Variants in NTN4 observed in about 807,000 individuals in gnomAD.
The protein encoded by NTN4 is netrin 4, also known as netrin-4.
NTN4 carries 32 observed loss-of-function variants against 73.6 expected under a neutral mutation model. The observed-to-expected ratio is 0.44, with a 90% confidence interval of 0.33 to 0.58. NTN4 has a LOEUF of 0.58. NTN4 is among the 20% of genes least tolerant of loss of function. The pLI is 0.04. For synonymous variants in NTN4, 258 were observed against 287.5 expected, an observed-to-expected ratio of 0.90 and a Z score of 1.04; for missense variants, 654 against 798.3, an observed-to-expected ratio of 0.82 and a Z score of 2.18.
chr12:95,767,163 A>C (rs1592712546), intron 2 of NTN4, among the ~76,000 whole-genome samples: 1 of 150,340 alleles, frequency 6.7e-6, no homozygotes, highest in East Asian at 2.0e-4. Flanking sequence ...TTTCTTCCCC[A>C]CCCCTCACCA....
chr12:95,787,553 G>A (rs1246562388), intron 1 of NTN4, 85 bp from the exon 2 acceptor site: 15 of 1,371,014 alleles, frequency 1.1e-5, no homozygotes, highest in Middle Eastern at 2.6e-4. Flanking sequence ...AACAGTCAAG[G>A]ATCTCCCCAA....
rs2078326918 is a variant in NTN4, at chr12:95,682,605, A to T, written c.1510+102T>A. ...ATACCATGAAACCCCAGAACTAAAG[A>T]GTTCCCCTCATAGGATCCAAAAGCT... On this transcript the variant is annotated intron_variant, in intron 7 of 9. Transcript: ENST00000343702. The T allele has an allele frequency of 4.4e-6, 3 of 679,078 alleles. No individual in the cohort carries two copies. In the South Asian group the frequency reaches 5.7e-5, roughly 13 times the overall value. The allele number at this position is 679,078 out of a possible 1,614,324, so 42.1% of individuals were successfully genotyped here.
Position 95,738,075 on chromosome 12 carries a change from G to C in NTN4, c.655C>G (p.Leu219Val). 1 of 1,614,118 alleles carries C rather than the reference G, an allele frequency of 6.2e-7. No individual in the cohort carries two copies. Among genetic ancestry groups the C allele is most frequent in the Non-Finnish European group, 8.5e-7 (1 of 1,179,964 alleles). ...NPYSAKVQEQLKITNLRVQLL... is the reference protein window; with the variant it reads ...NPYSAKVQEQVKITNLRVQLL... ...TGCACGCGAAGGTTGGTGATCTTCAGCTGCTCCTGAACTTTGGCACTGTAA... is the reference window on the plus strand; with the variant it reads ...TGCACGCGAAGGTTGGTGATCTTCACCTGCTCCTGAACTTTGGCACTGTAA... Residue 219 changes from leucine (L) to valine (V), a missense_variant, in exon 3 of 10, where the codon CTG becomes GTG. Coordinates refer to ENST00000343702, the MANE Select transcript of NTN4 (RefSeq NM_021229.4).
intron 2 of NTN4, among the ~76,000 whole-genome samples, chr12:95,773,308 A>G (rs995642176): frequency 5.3e-5 from 8 of 152,310 alleles, no homozygotes; most frequent in African/African-American, 4.8e-5. Context: ...CTGGCCTCCA[A>G]TGGCTTCTAA....
chr12:95,735,415 G>A (rs2078768763), intron 3 of NTN4, among the ~76,000 whole-genome samples: 1 of 152,060 alleles, frequency 6.6e-6, no homozygotes, highest in Non-Finnish European at 1.5e-5. Context: ...ATGGCACTAG[G>A]GGCTGCTACC....
At chr12:95,713,886 C>A (rs2078586120) in intron 3 of NTN4, among the ~76,000 whole-genome samples, 1 of 152,010 alleles carries the variant, frequency 6.6e-6, no homozygotes, top group East Asian at 1.9e-4. Flanking sequence ...ATCTGACCAC[C>A]TATTTTATTG....
At chr12:95,703,836 T>A (rs2078504073) in intron 5 of NTN4, among the ~76,000 whole-genome samples, 1 of 152,202 alleles carries the variant, frequency 6.6e-6, no homozygotes, top group African/African-American at 2.4e-5. Context: ...GATGTTTGCT[T>A]AACTAGGCTG....
At chr12:95,745,617 AT>A (rs1466882226) in intron 2 of NTN4, among the ~76,000 whole-genome samples, 1 of 152,040 alleles carries the variant, frequency 6.6e-6, no homozygotes, top group East Asian at 1.9e-4. Flanking sequence ...TAACTGTATC[AT>A]TTGTGTCATT....
At chr12:95,775,356 C>G (rs1488900134) in intron 2 of NTN4, among the ~76,000 whole-genome samples, 1 of 152,198 alleles carries the variant, frequency 6.6e-6, no homozygotes, top group East Asian at 1.9e-4. Flanking sequence ...GTGCAGCGCA[C>G]TGAGCATGAG....
intron 3 of NTN4, among the ~76,000 whole-genome samples, chr12:95,725,565 A>C (rs2078687626): frequency 6.6e-6 from 1 of 152,138 alleles, no homozygotes; most frequent in African/African-American, 2.4e-5. Context: ...CTTTCTTGAC[A>C]GCACTGTCTG....
At chr12:95,704,029 A>AAATTTG (rs1178602250) in intron 5 of NTN4, among the ~76,000 whole-genome samples, 2 of 151,994 alleles carry the variant, frequency 1.3e-5, no homozygotes, top group Non-Finnish European at 2.9e-5. Context: ...TGGAGGCTCA[A>AAATTTG]GTGATCCTCC....
chr12:95,660,545 C>T (rs11108178), intron 9 of NTN4, among the ~76,000 whole-genome samples: 1 of 151,530 alleles, frequency 6.6e-6, no homozygotes, highest in Non-Finnish European at 1.5e-5. Context: ...CAAATTTTAG[C>T]TAATATATCC....
chr12:95,691,466 G>T (rs902948463), intron 5 of NTN4, among the ~76,000 whole-genome samples: 1 of 152,120 alleles, frequency 6.6e-6, no homozygotes, highest in Non-Finnish European at 1.5e-5. Flanking sequence ...CGTAATCTTG[G>T]CTGACTACAA....
intron 2 of NTN4, among the ~76,000 whole-genome samples, chr12:95,758,737 T>G (rs1336391026): frequency 6.6e-6 from 1 of 152,018 alleles, no homozygotes. Flanking sequence ...GCTAACTTTT[T>G]AATTTTTTGT....
intron 7 of NTN4, among the ~76,000 whole-genome samples, chr12:95,680,655 T>A (rs1284312846): frequency 6.6e-6 from 1 of 152,252 alleles, no homozygotes; most frequent in East Asian, 1.9e-4. Flanking sequence ...TTATATGAAT[T>A]TTTTTGAGAT....
intron 2 of NTN4, among the ~76,000 whole-genome samples, chr12:95,766,729 C>G (rs951053120): frequency 2.0e-5 from 3 of 152,208 alleles, no homozygotes; most frequent in African/African-American, 4.8e-5. Flanking sequence ...AATATTCTAG[C>G]TGTGCTTGCC....
chr12:95,718,798 G>A (rs965047497), intron 3 of NTN4, among the ~76,000 whole-genome samples: 3 of 152,006 alleles, frequency 2.0e-5, no homozygotes, highest in Non-Finnish European at 4.4e-5. Flanking sequence ...AAATAAATAC[G>A]ATCCTTTTTT....
intron 5 of NTN4, among the ~76,000 whole-genome samples, chr12:95,701,992 C>A (rs2078488151): frequency 6.6e-6 from 1 of 151,890 alleles, no homozygotes; most frequent in African/African-American, 2.4e-5. Context: ...GAAAGCTGGA[C>A]AAACTGGCTG....
chr12:95,696,273 T>G (rs2078441366), intron 5 of NTN4, among the ~76,000 whole-genome samples: 1 of 152,196 alleles, frequency 6.6e-6, no homozygotes, highest in South Asian at 2.1e-4. Flanking sequence ...GTAAATTTAT[T>G]TAGAGTCTAT....
Sources: gnomAD v4.1 joint callset for allele counts (sites outside exome capture counted in the v4.1 genomes callset) on GRCh38, gnomAD v4.1.1 for gene constraint, MANE v1.5 for transcripts, NCBI Gene and HGNC (gene_info 2026-07-23, HGNC 2026-07-21) for gene names.